DRGX: variants seen among roughly 807,000 people sequenced by gnomAD.
DRGX encodes dorsal root ganglia homeobox, also known as dorsal root ganglia homeobox protein.
In DRGX, 21 loss-of-function variants were observed where a neutral mutation model predicts 28.6. That is an observed-to-expected ratio of 0.73 (90% CI 0.52 to 1.06). The LOEUF is 1.06. DRGX is among the 50% of genes least tolerant of loss of function. The pLI is 0.00. For missense variants in DRGX, 354 were observed against 343.9 expected (o/e 1.03, Z -0.23); for synonymous variants, 136 against 139.1 (o/e 0.98, Z 0.16).
At position 49,387,848 on chromosome 10, in the gene DRGX, A is replaced by G. The variant is rs1849857163; in HGVS notation, c.235-990T>C. Among the ~76,000 whole-genome samples, 5 of 152,288 alleles carry G rather than the reference A, an allele frequency of 3.3e-5. No individual in the cohort carries two copies. The South Asian group carries it at 1.0e-3, about 32-fold the overall frequency. On this transcript the variant is annotated intron_variant, in intron 4 of 6. Coordinates refer to ENST00000374139, the MANE Select transcript of DRGX (RefSeq NM_001276451.2). ...AAATTAAGTGCAGTGAGGTTAATTAACTTGCCTAAGGCTATCCAGGTGGTA... is the reference window on the plus strand; with the variant it reads ...AAATTAAGTGCAGTGAGGTTAATTAGCTTGCCTAAGGCTATCCAGGTGGTA...
chr10:49,384,478 G>A (rs140207608), intron 6 of DRGX, among the ~76,000 whole-genome samples: 100 of 152,290 alleles, frequency 6.6e-4, no homozygotes, highest in African/African-American at 2.0e-3. Flanking sequence ...CCCAAGATCC[G>A]ACAAGAAAGG....
chr10:49,386,142 G>A (rs1420521522), intron 6 of DRGX, among the ~76,000 whole-genome samples: 1 of 152,130 alleles, frequency 6.6e-6, no homozygotes, highest in Non-Finnish European at 1.5e-5. Flanking sequence ...TCCCACACAG[G>A]CCCCACCCGT....
chr10:49,395,300 GCC>G lies in DRGX; in HGVS notation c.34+105_34+106del, dbSNP rs1258746969. 72 of 1,401,414 alleles carry G rather than the reference GCC, an allele frequency of 5.1e-5. No individual in the cohort carries two copies. The Admixed American group carries it at 1.5e-3, about 29-fold the overall frequency. The allele number at this position is 1,401,414 out of a possible 1,614,324, so 86.8% of individuals were successfully genotyped here. On this transcript the variant is annotated intron_variant, in intron 2 of 6. Transcript: ENST00000374139. ...CCCCTACTCACCGGCAGGCGGCTGC[GCC>G]CCCCGCAGGGCGGGGACCCAGCCAC... is the stretch of plus-strand genomic sequence containing the variant.
At position 49,391,280 on chromosome 10, in the gene DRGX, T is replaced by C. The variant is rs1564710005; in HGVS notation, c.35-19A>G. The C allele has an allele frequency of 6.2e-7, 1 of 1,603,886 alleles. No homozygotes were observed. The highest frequency in any genetic ancestry group is 8.5e-7 in the Non-Finnish European group (1 of 1,174,984). Reference sequence around the variant, plus strand: ...GCAGTGCCTACCAAGAGCAAACTGATCAACCTGGGCAGGAAGGGGCCCCAG... The same window carrying C: ...GCAGTGCCTACCAAGAGCAAACTGACCAACCTGGGCAGGAAGGGGCCCCAG... On this transcript the variant is annotated intron_variant, in intron 2 of 6. Coordinates refer to ENST00000374139, the MANE Select transcript of DRGX (RefSeq NM_001276451.2).
intron 6 of DRGX, among the ~76,000 whole-genome samples, chr10:49,375,626 G>A (rs1447838337): frequency 2.6e-5 from 4 of 151,926 alleles, no homozygotes. Context: ...TATTCACTCA[G>A]CAAACACTCA....
chr10:49,381,092 C>T (rs1040745059), intron 6 of DRGX, among the ~76,000 whole-genome samples: 1 of 152,260 alleles, frequency 6.6e-6, no homozygotes, highest in African/African-American at 2.4e-5. Context: ...TTCACACCAG[C>T]AGGCCCTTGC....
At chr10:49,386,444 C>T (rs1259171948) in intron 6 of DRGX, 34 bp downstream of exon 6, 4 of 1,492,166 alleles carry the variant, frequency 2.7e-6, no homozygotes, top group East Asian at 2.5e-5. Flanking sequence ...CCCCATGAGG[C>T]CACGCCCACC....
Position 49,395,526 on chromosome 10 carries a change from A to G in DRGX, c.-81-5T>C, listed in dbSNP as rs1849958540. 6.9e-7 allele frequency: 1 copy of G among 1,456,570 alleles called. No homozygotes were observed. Among genetic ancestry groups the G allele is most frequent in the Admixed American group, 2.0e-5 (1 of 50,822 alleles). The allele number at this position is 1,456,570 out of a possible 1,614,324, so 90.2% of individuals were successfully genotyped here. A position where few individuals can be genotyped will look rare whatever the true frequency, so the allele number is the denominator to read the frequency against. On this transcript the variant is annotated splice_region_variant and splice_polypyrimidine_tract_variant and intron_variant, in intron 1 of 6. Transcript: ENST00000374139. ...GCGCGCGTTGCTCCTGCCTGGCTGC[A>G]AAGCAAACAGCGATAGAGCTTCAAG...
chr10:49,381,757 G>C (rs1849779020), intron 6 of DRGX, among the ~76,000 whole-genome samples: 1 of 152,198 alleles, frequency 6.6e-6, no homozygotes, highest in South Asian at 2.1e-4. Flanking sequence ...GCCTTGGCTT[G>C]GATCCTCAGT....
intron 6 of DRGX, among the ~76,000 whole-genome samples, chr10:49,373,062 A>G (rs1249054173): frequency 1.3e-5 from 2 of 152,348 alleles, no homozygotes; most frequent in Non-Finnish European, 1.5e-5. Flanking sequence ...AAGAGAAGAT[A>G]AGCAAATAAT....
At chr10:49,395,013 C>T (rs1412821380) in intron 2 of DRGX, among the ~76,000 whole-genome samples, 1 of 152,254 alleles carries the variant, frequency 6.6e-6, no homozygotes, top group African/African-American at 2.4e-5. Context: ...TGATCTGGGC[C>T]AGGACGCGGC....
intron 3 of DRGX, among the ~76,000 whole-genome samples, chr10:49,390,824 T>A (rs1849894915): frequency 6.6e-6 from 1 of 152,122 alleles, no homozygotes; most frequent in Non-Finnish European, 1.5e-5. Context: ...CGGTTTTTCA[T>A]CTCTGTACTG....
intron 3 of DRGX, among the ~76,000 whole-genome samples, 151 bp from the exon 4 acceptor site, chr10:49,390,385 C>A (rs1458621780): frequency 6.6e-6 from 1 of 152,136 alleles, no homozygotes; most frequent in Non-Finnish European, 1.5e-5. Flanking sequence ...TTGGAAAGAT[C>A]CCACAGAATG....
At chr10:49,379,875 T>C (rs1479925939) in intron 6 of DRGX, among the ~76,000 whole-genome samples, 2 of 152,168 alleles carry the variant, frequency 1.3e-5, no homozygotes, top group Non-Finnish European at 2.9e-5. Flanking sequence ...GCGGGGAAGA[T>C]GGGGCCAGAC....
At chr10:49,384,283 C>G (rs1849807808) in intron 6 of DRGX, among the ~76,000 whole-genome samples, 1 of 152,226 alleles carries the variant, frequency 6.6e-6, no homozygotes, top group Non-Finnish European at 1.5e-5. Flanking sequence ...TTGTGCCCAC[C>G]TGCCTGGCTC....
chr10:49,377,936 A>G lies in DRGX; in HGVS notation c.526+8542T>C, dbSNP rs530828426. ...AAAAAAACCACAGGCCCATCTCCTC[A>G]TGATCATAGCTTCAAACTCCCTAAA... On this transcript the variant is annotated intron_variant, in intron 6 of 6. Transcript: ENST00000374139. Among the ~76,000 whole-genome samples the G allele has an allele frequency of 8.5e-5, 13 of 152,350 alleles. No homozygotes were observed. The South Asian group carries it at 1.2e-3, about 15-fold the overall frequency.
intron 2 of DRGX, among the ~76,000 whole-genome samples, chr10:49,394,570 T>C (rs998180112): frequency 9.5e-4 from 144 of 152,236 alleles, no homozygotes; most frequent in African/African-American, 3.4e-3. Context: ...GCTCACCTGA[T>C]GGCTACTAAT....
intron 6 of DRGX, among the ~76,000 whole-genome samples, chr10:49,371,327 C>T (rs904660531): frequency 2.6e-5 from 4 of 152,070 alleles, no homozygotes; most frequent in African/African-American, 9.7e-5. Context: ...AAATCCAGAC[C>T]CAAAGCTCAT....
At chr10:49,368,996 C>T (rs572350443) in intron 6 of DRGX, among the ~76,000 whole-genome samples, 1 of 152,258 alleles carries the variant, frequency 6.6e-6, no homozygotes, top group South Asian at 2.1e-4. Context: ...AAGATGGGCT[C>T]AATCCATCTC....
Sources: gnomAD v4.1 joint callset for allele counts (sites outside exome capture counted in the v4.1 genomes callset) on GRCh38, gnomAD v4.1.1 for gene constraint, MANE v1.5 for transcripts, NCBI Gene and HGNC (gene_info 2026-07-23, HGNC 2026-07-21) for gene names.